ARHGAP42: variants seen among roughly 807,000 people sequenced by gnomAD.
ARHGAP42 encodes Rho GTPase activating protein 42, also known as rho GTPase-activating protein 42.
Under a neutral mutation model 125.0 loss-of-function variants are expected in ARHGAP42, and 63 were observed. The observed-to-expected ratio is 0.50, with a 90% CI of 0.41 to 0.62. The LOEUF (loss-of-function observed/expected upper bound fraction) is 0.62. ARHGAP42 is among the 20% of genes least tolerant of loss of function. The pLI is 0.00. For synonymous variants in ARHGAP42, 339 were observed against 351.0 expected (o/e 0.97, Z 0.38); for missense variants, 766 against 1,024.2 (o/e 0.75, Z 3.44).
chr11:100,844,569 CA>C (rs1344433413), intron 3 of ARHGAP42, among the ~76,000 whole-genome samples: 1 of 151,542 alleles, frequency 6.6e-6, no homozygotes. Flanking sequence ...GACTAATACC[CA>C]GAAGGTACAA....
chr11:100,692,522 C>A (rs1861208655), intron 1 of ARHGAP42, among the ~76,000 whole-genome samples: 1 of 152,168 alleles, frequency 6.6e-6, no homozygotes, highest in African/African-American at 2.4e-5. Context: ...TTGCAACCTG[C>A]AGTTCTTGAG....
At chr11:100,779,518 AC>A (rs1463756762) in intron 2 of ARHGAP42, among the ~76,000 whole-genome samples, 1 of 142,668 alleles carries the variant, frequency 7.0e-6, no homozygotes, top group African/African-American at 2.6e-5. Flanking sequence ...GTATATATAT[AC>A]GTATACATGC....
chr11:100,847,399 C>T (rs550389570), intron 3 of ARHGAP42, among the ~76,000 whole-genome samples: 63 of 152,052 alleles, frequency 4.1e-4, no homozygotes, highest in Non-Finnish European at 5.9e-4. Flanking sequence ...GGCTTTCTCA[C>T]GTGGGAATGG....
At chr11:100,986,517 G>C (rs1211867555) in intron 22 of ARHGAP42, among the ~76,000 whole-genome samples, 2 of 152,136 alleles carry the variant, frequency 1.3e-5, no homozygotes, top group Admixed American at 1.3e-4. Flanking sequence ...GGGTTGTCAG[G>C]GAAGTAATGT....
In ARHGAP42 at chr11:100,903,117, G is replaced by GCGCACACACACACACACACACACA. The variant is rs373508179; in HGVS notation, c.385-10334_385-10333insGCACACACACACACACACACACAC. Among the ~76,000 whole-genome samples, 299 of 132,018 alleles carry GCGCACACACACACACACACACACA rather than the reference G, an allele frequency of 2.3e-3. 4 individuals carry two copies. Among genetic ancestry groups the GCGCACACACACACACACACACACA allele is most frequent in the Admixed American group, 8.9e-3 (112 of 12,538 alleles). 86.6% of individuals were successfully genotyped at this position (132,018 alleles called of 152,430 possible). ...TCCTCAATCTTGCTGTCCAAGATGC[G>GCGCACACACACACACACACACACA]CACACACACACACACACACACACAC... On this transcript the variant is annotated intron_variant, in intron 4 of 23. Transcript: ENST00000298815.
chr11:100,780,763 A>G lies in ARHGAP42; in HGVS notation c.250+10325A>G, dbSNP rs609475. ...TAAGTATCAACCAGATCTAAGCCAC[A>G]ATGGGTGGCATAAGTAGTTTAAATT... On this transcript the variant is annotated intron_variant, in intron 2 of 23. Transcript: ENST00000298815. 8.8e-3 allele frequency among the ~76,000 whole-genome samples: 1,342 copies of G among 152,358 alleles called. 20 individuals carry two copies. Among genetic ancestry groups the G allele is most frequent in the African/African-American group, 0.03 (1,264 of 41,592 alleles).
intron 3 of ARHGAP42, among the ~76,000 whole-genome samples, chr11:100,814,718 T>G (rs1864225222): frequency 6.6e-6 from 1 of 152,140 alleles, no homozygotes; most frequent in South Asian, 2.1e-4. Context: ...TCATATCTCA[T>G]GAGAACTCTA....
chr11:100,961,548 CT>C (rs1857955235), intron 14 of ARHGAP42, 135 bp from the exon 15 acceptor site: 25 of 681,060 alleles, frequency 3.7e-5, no homozygotes, highest in Admixed American at 8.5e-5. Context: ...AACAACAGTA[CT>C]AATGTTAACT....
intron 17 of ARHGAP42, among the ~76,000 whole-genome samples, chr11:100,968,356 A>G (rs1445508745): frequency 6.6e-6 from 1 of 151,866 alleles, no homozygotes; most frequent in Non-Finnish European, 1.5e-5. Flanking sequence ...TATATGTTTC[A>G]TGTTGTCTTT....
At chr11:100,926,650 A>G (rs952923887) in intron 6 of ARHGAP42, among the ~76,000 whole-genome samples, 16 of 152,150 alleles carry the variant, frequency 1.1e-4, no homozygotes, top group African/African-American at 3.9e-4. Context: ...TTTTATCTGT[A>G]TGTTGAAGAC....
intron 3 of ARHGAP42, among the ~76,000 whole-genome samples, chr11:100,836,815 C>T (rs1021349398): frequency 2.8e-5 from 4 of 141,292 alleles, no homozygotes; most frequent in African/African-American, 1.0e-4. Context: ...ATGTCTGGGA[C>T]TTGAACACCT....
chr11:100,780,202 A>T (rs1367918037), intron 2 of ARHGAP42, among the ~76,000 whole-genome samples: 3 of 152,162 alleles, frequency 2.0e-5, no homozygotes, highest in Non-Finnish European at 4.4e-5. Context: ...CATGGAGTGT[A>T]CAAACTAAAG....
intron 10 of ARHGAP42, among the ~76,000 whole-genome samples, chr11:100,944,640 T>G: frequency 6.6e-6 from 1 of 151,956 alleles, no homozygotes; most frequent in Middle Eastern, 3.4e-3. Context: ...CATAATAAAC[T>G]GAGTCACAGA....
chr11:100,914,909 A>T (rs1464424162), intron 5 of ARHGAP42, among the ~76,000 whole-genome samples: 1 of 152,082 alleles, frequency 6.6e-6, no homozygotes. Context: ...ATAGGAGTGT[A>T]ATTTTGGCAT....
At chr11:100,704,509 A>G (rs1420459465) in intron 1 of ARHGAP42, among the ~76,000 whole-genome samples, 1 of 152,170 alleles carries the variant, frequency 6.6e-6, no homozygotes, top group Non-Finnish European at 1.5e-5. Flanking sequence ...TTTTCTTCCC[A>G]GTATTGCCTT....
intron 3 of ARHGAP42, among the ~76,000 whole-genome samples, chr11:100,797,356 G>T (rs1027806813): frequency 6.6e-6 from 1 of 152,138 alleles, no homozygotes; most frequent in Non-Finnish European, 1.5e-5. Flanking sequence ...AGCAATAAAA[G>T]AAAAGTAGTC....
intron 23 of ARHGAP42, 146 bp from the exon 24 acceptor site, chr11:100,988,567 G>GT: frequency 1.7e-6 from 1 of 591,130 alleles, no homozygotes; most frequent in South Asian, 2.4e-5. Flanking sequence ...AGCATGCACA[G>GT]TTTCTGGTAT....
chr11:100,702,033 C>T (rs1448470613), intron 1 of ARHGAP42, among the ~76,000 whole-genome samples: 5 of 151,742 alleles, frequency 3.3e-5, no homozygotes, highest in African/African-American at 1.2e-4. Flanking sequence ...ACCTGTAATC[C>T]CAGCACTTTG....
At chr11:100,852,313 G>T (rs1865221551) in intron 3 of ARHGAP42, among the ~76,000 whole-genome samples, 1 of 152,134 alleles carries the variant, frequency 6.6e-6, no homozygotes, top group Admixed American at 6.6e-5. Flanking sequence ...CTACTAAAAT[G>T]CAATTGCTAT....
Sources: gnomAD v4.1 joint callset for allele counts (sites outside exome capture counted in the v4.1 genomes callset) on GRCh38, gnomAD v4.1.1 for gene constraint, MANE v1.5 for transcripts, NCBI Gene and HGNC (gene_info 2026-07-23, HGNC 2026-07-21) for gene names.